Variants in STON2 observed in about 807,000 individuals in gnomAD.
STON2 encodes stonin 2, also known as stonin-2.
A neutral mutation model predicts 65.7 loss-of-function variants in STON2; 29 were observed. The ratio of observed to expected loss-of-function variants is 0.44; its 90% CI spans 0.33 to 0.60. The LOEUF is 0.60. STON2 is among the 20% of genes least tolerant of loss of function. The pLI is 0.03. For missense variants in STON2, 1,054 were observed against 1,118.1 expected, an observed-to-expected ratio of 0.94 and a Z score of 0.82; for synonymous variants, 404 against 414.2, an observed-to-expected ratio of 0.98 and a Z score of 0.30.
In STON2 at chr14:81,397,258, C is replaced by T. The variant is rs535992712; in HGVS notation, c.88+1037G>A. ...CATCTGCAAGTATTCAAAGCCTCTA[C>T]AGCACGTCAAACAGAAATAAAATGT... On this transcript the variant is annotated intron_variant, in intron 2 of 7. Coordinates refer to ENST00000614646, the MANE Select transcript of STON2 (RefSeq NM_001394390.1). 1.4e-3 allele frequency among the ~76,000 whole-genome samples: 216 copies of T among 152,226 alleles called. 1 individual carries two copies. The highest frequency in any genetic ancestry group is 4.9e-3 in the African/African-American group (204 of 41,524).
intron 4 of STON2, among the ~76,000 whole-genome samples, chr14:81,340,493 G>A (rs556613946): frequency 1.3e-5 from 2 of 152,282 alleles, no homozygotes; most frequent in Admixed American, 6.5e-5. Context: ...TAAAATCAGG[G>A]GAGATGAGCA....
intron 7 of STON2, chr14:81,269,743 CTTT>C (rs1423741483): frequency 7.1e-6 from 7 of 985,256 alleles, no homozygotes; most frequent in Non-Finnish European, 8.4e-6. Context: ...CAAAATCCTT[CTTT>C]AACAAACTCC....
intron 5 of STON2, among the ~76,000 whole-genome samples, chr14:81,316,518 G>A (rs537550121): frequency 1.3e-5 from 2 of 152,194 alleles, no homozygotes; most frequent in Middle Eastern, 3.4e-3. Flanking sequence ...GCTTGTTTTG[G>A]GAAACAAGGT....
rs1372615231 is a variant in STON2, at chr14:81,262,883, A to T, written c.*5531T>A. On this transcript the variant is annotated 3_prime_UTR_variant, in exon 8 of 8. Transcript: ENST00000614646. The stretch of plus-strand genomic sequence containing the variant: ...ACATCTCCTTCACGTTTAATTCCTT[A>T]AACACATAAATATGAGTCATGATAT... 1.0e-6 allele frequency: 1 copy of T among 985,332 alleles called. No individual in the cohort carries two copies. Among genetic ancestry groups the T allele is most frequent in the Non-Finnish European group, 1.2e-6 (1 of 829,926 alleles). The allele number at this position is 985,332 out of a possible 1,614,324, so 61.0% of individuals were successfully genotyped here.
At chr14:81,282,820 T>A (rs1895178517) in intron 5 of STON2, among the ~76,000 whole-genome samples, 1 of 152,166 alleles carries the variant, frequency 6.6e-6, no homozygotes, top group African/African-American at 2.4e-5. Context: ...AGCAGTTAGA[T>A]CTTTCCCAAG....
At chr14:81,361,558 T>C (rs191062129) in intron 4 of STON2, among the ~76,000 whole-genome samples, 75 of 152,066 alleles carry the variant, frequency 4.9e-4, no homozygotes, top group African/African-American at 1.8e-3. Flanking sequence ...GAAGAAAATA[T>C]AAGGGAAAAA....
At chr14:81,334,855 A>G (rs2140276943) in intron 4 of STON2, among the ~76,000 whole-genome samples, 1 of 152,160 alleles carries the variant, frequency 6.6e-6, no homozygotes, top group Non-Finnish European at 1.5e-5. Context: ...TTATTTATTT[A>G]GAGACAGAGT....
intron 6 of STON2, 74 bp downstream of exon 6, chr14:81,276,827 C>A (rs781592021): frequency 1.3e-6 from 2 of 1,520,234 alleles, no homozygotes; most frequent in Non-Finnish European, 1.8e-6. Context: ...GCACTTCATA[C>A]AGGATGTGGA....
intron 3 of STON2, chr14:81,395,648 A>T: frequency 2.0e-6 from 1 of 488,806 alleles, no homozygotes; most frequent in Non-Finnish European, 3.6e-6. Context: ...AGACAAGTCA[A>T]CAGCCAGGGA....
chr14:81,351,951 T>C (rs1898040279), intron 4 of STON2, among the ~76,000 whole-genome samples: 2 of 152,254 alleles, frequency 1.3e-5, no homozygotes, highest in Admixed American at 1.3e-4. Flanking sequence ...CAACTGTTTG[T>C]CAGTCTCCTA....
chr14:81,433,142 CG>C (rs1289060159), intron 1 of STON2, among the ~76,000 whole-genome samples: 28 of 152,196 alleles, frequency 1.8e-4, no homozygotes, highest in African/African-American at 5.8e-4. Context: ...TATAAAATAA[CG>C]ACTTCAAGAT....
intron 4 of STON2, chr14:81,333,052 TTC>T: frequency 1.5e-6 from 1 of 668,200 alleles, no homozygotes; most frequent in East Asian, 2.7e-5. Flanking sequence ...CTTTCTTGAG[TTC>T]TTTTTCTTCT....
At chr14:81,415,350 T>C (rs934577869) in intron 2 of STON2, among the ~76,000 whole-genome samples, 28 of 151,722 alleles carry the variant, frequency 1.8e-4, no homozygotes, top group African/African-American at 6.8e-4. Flanking sequence ...GGTCAGAGAG[T>C]AGTAAAGAGT....
At chr14:81,288,461 T>A (rs995303270) in intron 5 of STON2, among the ~76,000 whole-genome samples, 1 of 152,220 alleles carries the variant, frequency 6.6e-6, no homozygotes, top group Non-Finnish European at 1.5e-5. Context: ...GTTACTGTAC[T>A]GAATACTGCA....
At chr14:81,285,238 A>G (rs1263735041) in intron 5 of STON2, among the ~76,000 whole-genome samples, 1 of 152,214 alleles carries the variant, frequency 6.6e-6, no homozygotes, top group Non-Finnish European at 1.5e-5. Context: ...GGCAAAGTAA[A>G]CTGACAACCT....
intron 4 of STON2, among the ~76,000 whole-genome samples, chr14:81,352,956 A>C (rs1241189257): frequency 6.6e-6 from 1 of 152,184 alleles, no homozygotes; most frequent in Non-Finnish European, 1.5e-5. Context: ...ATCATGGAAA[A>C]GCTTTCCCTA....
chr14:81,323,496 G>A (rs1896893890), intron 5 of STON2: 1 of 152,006 alleles, frequency 6.6e-6, no homozygotes, highest in Admixed American at 6.5e-5. Context: ...TATTTAATTG[G>A]ACTTACCTTG....
In STON2 at chr14:81,277,221, T is replaced by G; in HGVS notation, c.2261A>C (p.Asn754Thr). 1 of 1,614,174 alleles carries G rather than the reference T, an allele frequency of 6.2e-7. No individual in the cohort carries two copies. The highest frequency in any genetic ancestry group is 8.5e-7 in the Non-Finnish European group (1 of 1,180,030). ...PFTLRTATSV[N>T]GAEVEVQSWL... is the part of the protein sequence containing the mutation. ...GCTCTGCACCTCCACCTCTGCCCCA[T>G]TGACACTTGTGGCCGTCCTGAGTGT... The change falls in exon 6 of 8, where the codon AAT becomes ACT. Residue 754 changes from asparagine (N) to threonine (T), a missense_variant. Physicochemically the swap from Asn to Thr is moderately conservative, Grantham distance 65. Transcript: ENST00000614646.
At chr14:81,377,208 G>T (rs1899294773) in intron 3 of STON2, among the ~76,000 whole-genome samples, 1 of 152,054 alleles carries the variant, frequency 6.6e-6, no homozygotes, top group Non-Finnish European at 1.5e-5. Flanking sequence ...CCACTAATCT[G>T]TTTTTCATTT....
Sources: allele counts gnomAD v4.1 joint callset (sites outside exome capture counted in the v4.1 genomes callset), GRCh38; gene constraint gnomAD v4.1.1; transcripts MANE v1.5; gene names NCBI Gene and HGNC (gene_info 2026-07-23, HGNC 2026-07-21).